OSBPL1A: variants seen among roughly 807,000 people sequenced by gnomAD.
OSBPL1A encodes oxysterol binding protein like 1A, also known as oxysterol-binding protein-related protein 1.
OSBPL1A carries 80 observed loss-of-function variants against 137.1 expected under a neutral mutation model. That is an observed-to-expected ratio of 0.58 (90% CI 0.49 to 0.70). The LOEUF (loss-of-function observed/expected upper bound fraction) is 0.70, where lower values mean the gene tolerates loss of function less well. Ranked by LOEUF, OSBPL1A falls within the 30% of genes least tolerant of loss-of-function variation. The pLI, the probability that OSBPL1A is intolerant of heterozygous loss-of-function variation, is 0.00. For synonymous variants in OSBPL1A, 365 were observed against 389.7 expected (o/e 0.94, Z 0.75); for missense variants, 970 against 1,129.4 (o/e 0.86, Z 2.02).
chr18:24,310,361 G>A (rs1328317216), intron 13 of OSBPL1A, among the ~76,000 whole-genome samples: 1 of 150,624 alleles, frequency 6.6e-6, no homozygotes, highest in Non-Finnish European at 1.5e-5. Flanking sequence ...GGACGAGGCG[G>A]GTGGATCACA....
chr18:24,239,532 C>A (rs1444025509), intron 15 of OSBPL1A, 150 bp from the exon 16 acceptor site: 4 of 716,908 alleles, frequency 5.6e-6, no homozygotes, highest in Non-Finnish European at 8.9e-6. Flanking sequence ...GATGAATGAG[C>A]AAAATTATTA....
chr18:24,370,206 G>T (rs1385480148), intron 2 of OSBPL1A, among the ~76,000 whole-genome samples: 1 of 152,122 alleles, frequency 6.6e-6, no homozygotes, highest in Non-Finnish European at 1.5e-5. Context: ...GGACAACAAA[G>T]CGAGACACTG....
At chr18:24,329,977 C>T (rs934539645) in intron 7 of OSBPL1A, among the ~76,000 whole-genome samples, 31 of 152,078 alleles carry the variant, frequency 2.0e-4, no homozygotes, top group African/African-American at 7.2e-4. Context: ...AACTATTTTC[C>T]TCAAAGCTGA....
intron 17 of OSBPL1A, among the ~76,000 whole-genome samples, chr18:24,214,047 C>T (rs768755592): frequency 2.6e-5 from 4 of 152,192 alleles, no homozygotes; most frequent in Non-Finnish European, 5.9e-5. Context: ...AGGCCTGCTT[C>T]ACAGAGTTCA....
chr18:24,233,977 G>A (rs2088363322), intron 16 of OSBPL1A, among the ~76,000 whole-genome samples: 1 of 152,096 alleles, frequency 6.6e-6, no homozygotes, highest in African/African-American at 2.4e-5. Flanking sequence ...AAAACACAAG[G>A]AGGCTATAAA....
intron 17 of OSBPL1A, among the ~76,000 whole-genome samples, chr18:24,207,239 A>G (rs2087401225): frequency 6.6e-6 from 1 of 152,076 alleles, no homozygotes; most frequent in Admixed American, 6.6e-5. Context: ...ACCCACCATC[A>G]TGCCTGGCTA....
At chr18:24,340,071 A>G (rs1440344686) in intron 5 of OSBPL1A, among the ~76,000 whole-genome samples, 1 of 152,212 alleles carries the variant, frequency 6.6e-6, no homozygotes, top group African/African-American at 2.4e-5. Flanking sequence ...TATGTGTGAA[A>G]TTGCAACTCT....
intron 15 of OSBPL1A, among the ~76,000 whole-genome samples, chr18:24,272,974 C>T (rs543278315): frequency 4.6e-5 from 7 of 152,262 alleles, no homozygotes; most frequent in African/African-American, 1.7e-4. Flanking sequence ...GGCACAATCT[C>T]AGCTCACTGC....
At chr18:24,225,916 T>C (rs1478814221) in intron 16 of OSBPL1A, among the ~76,000 whole-genome samples, 2 of 152,090 alleles carry the variant, frequency 1.3e-5, no homozygotes, top group African/African-American at 4.8e-5. Flanking sequence ...GAGACTGCAG[T>C]GAGCTATGAT....
At chr18:24,195,878 C>T (rs368858969) in intron 18 of OSBPL1A, 8 of 451,552 alleles carry the variant, frequency 1.8e-5, no homozygotes, top group Admixed American at 3.8e-5. Flanking sequence ...GCTGTGTCAA[C>T]AGAAACACGG....
In OSBPL1A at chr18:24,358,258, G is replaced by A. The variant is rs868850658; in HGVS notation, c.282+8634C>T. The A allele has an allele frequency of 1.3e-5, 7 of 538,510 alleles. No individual in the cohort carries two copies. In the Middle Eastern group the frequency reaches 2.4e-3, roughly 188 times the overall value. 33.4% of individuals were successfully genotyped at this position (538,510 alleles called of 1,614,324 possible). A position where few individuals can be genotyped will look rare whatever the true frequency, so the allele number is the denominator to read the frequency against. ...GGATGAGGGTTTCCAGAGTATCCAC[G>A]TATCCATGACTGACTGTCCCAGTGT... On this transcript the variant is annotated intron_variant, in intron 4 of 27. Transcript: ENST00000319481.
At chr18:24,167,563 G>A (rs1420563137) in intron 24 of OSBPL1A, 118 bp from the exon 25 acceptor site, 14 of 811,784 alleles carry the variant, frequency 1.7e-5, no homozygotes, top group Non-Finnish European at 3.0e-5. Flanking sequence ...GTCCCCTAAG[G>A]TTATAGCGGA....
At chr18:24,258,031 T>C (rs116933869) in intron 15 of OSBPL1A, among the ~76,000 whole-genome samples, 4,196 of 152,276 alleles carry the variant, frequency 0.028, 85 homozygotes, top group South Asian at 0.041. Context: ...TGTAAATTAG[T>C]GCAACCACTA....
intron 2 of OSBPL1A, among the ~76,000 whole-genome samples, chr18:24,374,370 T>A (rs1470149337): frequency 6.6e-6 from 1 of 152,094 alleles, no homozygotes; most frequent in East Asian, 1.9e-4. Flanking sequence ...AAGCCAGCCC[T>A]TTCTGGGACT....
At chr18:24,321,665 G>T in intron 7 of OSBPL1A, 1 of 520,528 alleles carries the variant, frequency 1.9e-6, no homozygotes, top group African/African-American at 1.9e-5. Flanking sequence ...GGGTATGTAT[G>T]AATAAAATGG....
At chr18:24,255,910 T>A (rs2089259820) in intron 15 of OSBPL1A, among the ~76,000 whole-genome samples, 1 of 152,142 alleles carries the variant, frequency 6.6e-6, no homozygotes. Context: ...TTCTCCTGCC[T>A]CAGCCCCCCA....
intron 4 of OSBPL1A, among the ~76,000 whole-genome samples, chr18:24,360,786 C>G (rs1394548002): frequency 1.3e-5 from 2 of 152,190 alleles, no homozygotes; most frequent in Non-Finnish European, 2.9e-5. Flanking sequence ...CATGTCTGAA[C>G]TGTCCCAGTG....
intron 17 of OSBPL1A, among the ~76,000 whole-genome samples, chr18:24,204,979 C>A (rs912685176): frequency 6.6e-6 from 1 of 152,170 alleles, no homozygotes; most frequent in Non-Finnish European, 1.5e-5. Flanking sequence ...ATCAAAATAT[C>A]CCCAGGCTAG....
intron 17 of OSBPL1A, among the ~76,000 whole-genome samples, chr18:24,211,215 C>T (rs2087531637): frequency 6.6e-6 from 1 of 152,220 alleles, no homozygotes; most frequent in Non-Finnish European, 1.5e-5. Flanking sequence ...AATCCACCTG[C>T]CTCGGCCTCC....
Sources: allele counts gnomAD v4.1 joint callset (sites outside exome capture counted in the v4.1 genomes callset), GRCh38; gene constraint gnomAD v4.1.1; transcripts MANE v1.5; gene names NCBI Gene and HGNC (gene_info 2026-07-23, HGNC 2026-07-21).